SLC17A8: variants seen among roughly 807,000 people sequenced by gnomAD.
SLC17A8 encodes the protein solute carrier family 17 member 8.
SLC17A8 carries 31 observed loss-of-function variants against 58.0 expected under a neutral mutation model. That is an observed-to-expected ratio of 0.53 (90% CI 0.40 to 0.72). SLC17A8 has a LOEUF of 0.72. Among genes scored for constraint, SLC17A8 ranks in the 30% least tolerant of loss-of-function variants. The probability of loss-of-function intolerance (pLI) is 0.00; values close to 1 mark genes in which losing one functional copy is unlikely to be tolerated. For synonymous variants in SLC17A8, 228 were observed against 249.0 expected, an observed-to-expected ratio of 0.92 and a Z score of 0.79; for missense variants, 655 against 727.8, an observed-to-expected ratio of 0.90 and a Z score of 1.15.
chr12:100,364,280 G>C (rs1337255254), intron 1 of SLC17A8, among the ~76,000 whole-genome samples: 1 of 152,054 alleles, frequency 6.6e-6, no homozygotes, highest in African/African-American at 2.4e-5. Context: ...GTCTGAATAG[G>C]CAAACTCATA....
chr12:100,415,775 C>T (rs1446482389), intron 10 of SLC17A8, among the ~76,000 whole-genome samples: 1 of 152,154 alleles, frequency 6.6e-6, no homozygotes, highest in Non-Finnish European at 1.5e-5. Context: ...CTCATTGCAA[C>T]CTTGATGAGA....
chr12:100,386,844 A>G (rs370799707), intron 2 of SLC17A8, among the ~76,000 whole-genome samples: 1 of 152,164 alleles, frequency 6.6e-6, no homozygotes, highest in African/African-American at 2.4e-5. Flanking sequence ...ATGTGCCACC[A>G]TGCCAGGCTA....
At chr12:100,371,475 G>T (rs529618128) in intron 1 of SLC17A8, among the ~76,000 whole-genome samples, 3 of 152,230 alleles carry the variant, frequency 2.0e-5, no homozygotes, top group South Asian at 2.1e-4. Context: ...CAATAGGCTG[G>T]ATAGCAAATC....
chr12:100,362,226 A>G (rs985698010), intron 1 of SLC17A8, among the ~76,000 whole-genome samples: 1 of 152,058 alleles, frequency 6.6e-6, no homozygotes, highest in African/African-American at 2.4e-5. Context: ...CAGGACTAGA[A>G]GCCCAGGCAA....
rs919215803 is a variant in SLC17A8, at chr12:100,367,345, A to G, written c.101+9853A>G. On this transcript the variant is annotated intron_variant, in intron 1 of 11. Coordinates refer to ENST00000323346, the MANE Select transcript of SLC17A8 (RefSeq NM_139319.3). ...TTACTTAAAGGAATAGAAGATAGCC[A>G]ATTTAATTATCAGTAATTCATCGCT... Among the ~76,000 whole-genome samples, 6 of 152,354 alleles carry G rather than the reference A, an allele frequency of 3.9e-5. No homozygotes were observed. In the East Asian group the frequency reaches 9.6e-4, roughly 24 times the overall value.
intron 1 of SLC17A8, among the ~76,000 whole-genome samples, chr12:100,357,964 GAGA>G (rs1952459973): frequency 6.6e-6 from 1 of 152,168 alleles, no homozygotes; most frequent in South Asian, 2.1e-4. Flanking sequence ...AGTTTGCAAA[GAGA>G]AGGATAGTTA....
intron 9 of SLC17A8, 143 bp from the exon 10 acceptor site, chr12:100,412,627 T>A: frequency 1.6e-6 from 1 of 636,162 alleles, no homozygotes. Context: ...ATTCCAGAAC[T>A]TAAAGTAAAA....
chr12:100,364,047 CAAAA>C (rs3057169), intron 1 of SLC17A8, among the ~76,000 whole-genome samples: 3 of 52,990 alleles, frequency 5.7e-5, no homozygotes, highest in Non-Finnish European at 1.1e-4. Flanking sequence ...GATTCCATCT[CAAAA>C]AAAAAAAAAA....
chr12:100,407,153 G>A (rs979893968), intron 9 of SLC17A8, among the ~76,000 whole-genome samples: 1 of 152,112 alleles, frequency 6.6e-6, no homozygotes. Flanking sequence ...TTTCTCCTAT[G>A]TTCAAGACAC....
intron 1 of SLC17A8, among the ~76,000 whole-genome samples, chr12:100,372,625 A>C (rs1034093946): frequency 1.1e-4 from 16 of 152,330 alleles, no homozygotes; most frequent in African/African-American, 3.8e-4. Flanking sequence ...ATATAGCCAC[A>C]TTTGGTGGTA....
Position 100,420,760 on chromosome 12 carries a change from G to A in SLC17A8, c.*601G>A, listed in dbSNP as rs1190906255. On this transcript the variant is annotated 3_prime_UTR_variant, in exon 12 of 12. Coordinates refer to ENST00000323346, the MANE Select transcript of SLC17A8 (RefSeq NM_139319.3). ...GCTCTCAATAGGTGGCAGTTTTAGG[G>A]AAGATTTCCATTCAGTGTAGGGAAG... The A allele has an allele frequency of 6.5e-6, 1 of 154,658 alleles. No homozygotes were observed. The highest frequency in any genetic ancestry group is 2.4e-5 in the African/African-American group (1 of 41,446). The allele number at this position is 154,658 out of a possible 1,614,324, so 9.6% of individuals were successfully genotyped here. A position where few individuals can be genotyped will look rare whatever the true frequency, so the allele number is the denominator to read the frequency against.
intron 2 of SLC17A8, among the ~76,000 whole-genome samples, chr12:100,388,836 G>A (rs17030132): frequency 0.12 from 17,512 of 152,136 alleles, 1,065 homozygotes; most frequent in Admixed American, 0.16. Flanking sequence ...TTCATTTGGC[G>A]AATACACACT....
intron 2 of SLC17A8, among the ~76,000 whole-genome samples, chr12:100,381,591 A>AGAGAG: frequency 6.6e-6 from 1 of 150,418 alleles, no homozygotes; most frequent in African/African-American, 2.5e-5. Flanking sequence ...AGAGAGAGAG[A>AGAGAG]ACGTACACAT....
intron 9 of SLC17A8, among the ~76,000 whole-genome samples, chr12:100,410,245 C>T (rs527679713): frequency 6.6e-6 from 1 of 152,236 alleles, no homozygotes; most frequent in East Asian, 1.9e-4. Flanking sequence ...CCTGTAATCC[C>T]AGCACTTTGG....
chr12:100,376,587 T>C (rs189160853), intron 1 of SLC17A8, among the ~76,000 whole-genome samples: 74 of 152,340 alleles, frequency 4.9e-4, no homozygotes, highest in Middle Eastern at 6.8e-3. Context: ...ACTACAGTTG[T>C]ATTTTGTGTC....
intron 2 of SLC17A8, among the ~76,000 whole-genome samples, chr12:100,384,271 G>GAAGAAATGTGCA (rs1952657758): frequency 6.6e-6 from 1 of 152,050 alleles, no homozygotes; most frequent in Non-Finnish European, 1.5e-5. Flanking sequence ...TGCTGGTTGC[G>GAAGAAATGTGCA]AAGAAATGTG....
chr12:100,378,048 T>A (rs1952607296), intron 1 of SLC17A8, among the ~76,000 whole-genome samples: 1 of 152,164 alleles, frequency 6.6e-6, no homozygotes, highest in Non-Finnish European at 1.5e-5. Flanking sequence ...CAGATAAGTC[T>A]AGTTATAAAG....
chr12:100,359,045 G>A (rs540854480), intron 1 of SLC17A8, among the ~76,000 whole-genome samples: 62 of 152,254 alleles, frequency 4.1e-4, no homozygotes, highest in Non-Finnish European at 7.5e-4. Context: ...AGAAGTGGGA[G>A]TATTGCTTGA....
chr12:100,403,928 A>C (rs1952808448), intron 8 of SLC17A8, 110 bp from the exon 9 acceptor site: 1 of 1,236,252 alleles, frequency 8.1e-7, no homozygotes, highest in South Asian at 1.2e-5. Context: ...AGATGCTTAA[A>C]TTTGGTGGTG....
Sources: gnomAD v4.1 joint callset for allele counts (sites outside exome capture counted in the v4.1 genomes callset) on GRCh38, gnomAD v4.1.1 for gene constraint, MANE v1.5 for transcripts, NCBI Gene and HGNC (gene_info 2026-07-23, HGNC 2026-07-21) for gene names.